Variants in HCRTR1 observed in about 807,000 individuals in gnomAD.
The protein encoded by HCRTR1 is hypocretin receptor 1.
HCRTR1 carries 28 observed loss-of-function variants against 40.6 expected under a neutral mutation model. The ratio of observed to expected loss-of-function variants is 0.69; its 90% CI spans 0.51 to 0.95. The LOEUF is 0.95. HCRTR1 is among the 40% of genes least tolerant of loss of function. The pLI, the probability that HCRTR1 is intolerant of heterozygous loss-of-function variation, is 0.00. For missense variants in HCRTR1, 482 were observed against 564.7 expected (o/e 0.85, Z 1.48); for synonymous variants, 209 against 230.0 (o/e 0.91, Z 0.83).
chr1:31,621,397 C>A, intron 5 of HCRTR1, 80 bp from the exon 6 acceptor site: 1 of 1,091,026 alleles, frequency 9.2e-7, no homozygotes, highest in South Asian at 1.3e-5. Flanking sequence ...TGGCCGTAGT[C>A]AGGACAGGGT....
downstream of HCRTR1, chr1:31,633,305 G>A: frequency 1.2e-6 from 2 of 1,612,000 alleles, no homozygotes. Flanking sequence ...CACATTGGGA[G>A]GGGCGCCACC....
chr1:31,631,705 T>C (rs1018411106), downstream of HCRTR1, among the ~76,000 whole-genome samples: 1 of 152,232 alleles, frequency 6.6e-6, no homozygotes, highest in African/African-American at 2.4e-5. Flanking sequence ...TACGTTTTGT[T>C]GTGGTTAATA....
downstream of HCRTR1, among the ~76,000 whole-genome samples, chr1:31,628,931 G>T (rs1640029125): frequency 6.6e-6 from 1 of 152,138 alleles, no homozygotes; most frequent in African/African-American, 2.4e-5. Flanking sequence ...TGTCCTGGGT[G>T]GCCCACAGAG....
intron 4 of HCRTR1, among the ~76,000 whole-genome samples, chr1:31,620,143 T>A (rs1639821932): frequency 6.6e-6 from 1 of 152,160 alleles, no homozygotes. Context: ...ACCCCAGTGG[T>A]GGAAACCAGG....
chr1:31,632,959 C>T (rs954822497), downstream of HCRTR1, among the ~76,000 whole-genome samples: 1 of 152,168 alleles, frequency 6.6e-6, no homozygotes, highest in African/African-American at 2.4e-5. Flanking sequence ...TGTAACTAGG[C>T]AGGGTCTAGA....
In HCRTR1 at chr1:31,627,324, C is replaced by A; in HGVS notation, c.*344C>A. The stretch of plus-strand genomic sequence containing the variant: ...GACCCCTTTCCTACCCAATTACAGG[C>A]CTTCCCTGGAGTCTGCTCTAAAGGT... On this transcript the variant is annotated 3_prime_UTR_variant, in exon 9 of 9. Transcript: ENST00000403528. 7.8e-7 allele frequency: 1 copy of A among 1,289,884 alleles called. No homozygotes were observed. The highest frequency in any genetic ancestry group is 4.8e-5 in the East Asian group (1 of 20,704). 79.9% of individuals were successfully genotyped at this position (1,289,884 alleles called of 1,614,324 possible).
At chr1:31,624,936 C>T (rs1307411609) in intron 7 of HCRTR1, 61 bp from the exon 8 acceptor site, 2 of 1,497,230 alleles carry the variant, frequency 1.3e-6, no homozygotes. Flanking sequence ...GTGAGCAGCA[C>T]TCCCCCAGTA....
At chr1:31,632,172 C>G (rs1557584042), downstream of HCRTR1, 4 of 573,508 alleles carry the variant, frequency 7.0e-6, no homozygotes, top group East Asian at 1.2e-4. Flanking sequence ...AGAAAGGAGT[C>G]ACCCAAGCCA....
rs746298349 is a variant in HCRTR1 at position 31,619,146 on chromosome 1, C to A, written c.-47C>A. 7 of 1,551,034 alleles carry A rather than the reference C, an allele frequency of 4.5e-6. No homozygotes were observed. Among genetic ancestry groups the A allele is most frequent in the Non-Finnish European group, 6.1e-6 (7 of 1,140,314 alleles). Reference sequence around the variant, plus strand: ...GGCTGGCCCAAGCTCCCTCCTCTCCCTCTGTAGAGCCTAGGATGCCCCTCT... The same window carrying A: ...GGCTGGCCCAAGCTCCCTCCTCTCCATCTGTAGAGCCTAGGATGCCCCTCT... On this transcript the variant is annotated 5_prime_UTR_variant, in exon 3 of 9. Coordinates refer to ENST00000403528, the MANE Select transcript of HCRTR1 (RefSeq NM_001525.3).
downstream of HCRTR1, chr1:31,630,488 T>C (rs1362795191): frequency 1.0e-6 from 1 of 995,062 alleles, no homozygotes; most frequent in Non-Finnish European, 1.5e-6. Context: ...TGGAACAGTG[T>C]TGCATCAAGC....
At chr1:31,623,296 CAA>C (rs11286118) in intron 6 of HCRTR1, among the ~76,000 whole-genome samples, 12,377 of 133,226 alleles carry the variant, frequency 0.093, 697 homozygotes, top group African/African-American at 0.17. Context: ...AATGCCATCT[CAA>C]AAAAAAAAAA....
At chr1:31,618,919 G>A (rs1246774491) in intron 2 of HCRTR1, 103 bp downstream of exon 2, 1 of 485,928 alleles carries the variant, frequency 2.1e-6, no homozygotes, top group Non-Finnish European at 3.7e-6. Flanking sequence ...ATGCAACCCA[G>A]GTCTGTCTTC....
downstream of HCRTR1, chr1:31,633,299 T>C (rs765028173): frequency 3.4e-5 from 55 of 1,612,082 alleles, no homozygotes; most frequent in South Asian, 1.4e-4. Flanking sequence ...AGGATCCACA[T>C]TGGGAGGGGC....
chr1:31,633,071 G>T, downstream of HCRTR1: 1 of 1,439,408 alleles, frequency 6.9e-7, no homozygotes, highest in Non-Finnish European at 9.4e-7. Context: ...TTTCTCTTCA[G>T]AATGTCCACC....
chr1:31,624,727 T>C (rs184332585), intron 7 of HCRTR1, among the ~76,000 whole-genome samples: 1 of 152,336 alleles, frequency 6.6e-6, no homozygotes, highest in East Asian at 1.9e-4. Context: ...TTCATCATGT[T>C]GCTGTGAGGA....
chr1:31,621,401 A>G, intron 5 of HCRTR1, 76 bp from the exon 6 acceptor site: 1 of 1,113,390 alleles, frequency 9.0e-7, no homozygotes, highest in Non-Finnish European at 1.4e-6. Context: ...CGTAGTCAGG[A>G]CAGGGTGGCA....
At position 31,623,646 on chromosome 1, in the gene HCRTR1, A is replaced by T. The variant is rs764675757; in HGVS notation, c.862A>T (p.Lys288Ter). 3.7e-6 allele frequency: 6 copies of T among 1,614,028 alleles called. No homozygotes were observed. The highest frequency in any genetic ancestry group is 5.1e-6 in the Non-Finnish European group (6 of 1,180,038). The change falls in exon 7 of 9, where the codon AAG becomes TAG. Residue 288 changes from lysine (K) to a stop codon, truncating the protein, a stop_gained. Coordinates refer to ENST00000403528, the MANE Select transcript of HCRTR1 (RefSeq NM_001525.3). LOFTEE classifies it high-confidence loss of function. ...GGCCCGCGCCTTCCTGGCTGAAGTG[A>T]AGCAGATGCGTGCACGGAGGAAGAC... Reference protein sequence around the residue: ...PRARAFLAEVKQMRARRKTAK... With the variant: ...PRARAFLAEV
downstream of HCRTR1, chr1:31,630,281 T>A (rs764209658): frequency 8.1e-5 from 29 of 357,042 alleles, no homozygotes; most frequent in Non-Finnish European, 1.6e-4. Context: ...ACCACTGGCA[T>A]CAGGGTGGAG....
chr1:31,627,152 G>A lies in HCRTR1; in HGVS notation c.*172G>A. 2 of 1,420,426 alleles carry A rather than the reference G, an allele frequency of 1.4e-6. No homozygotes were observed. Among genetic ancestry groups the A allele is most frequent in the East Asian group, 2.5e-5 (1 of 40,316 alleles). 88.0% of individuals were successfully genotyped at this position (1,420,426 alleles called of 1,614,324 possible). On this transcript the variant is annotated 3_prime_UTR_variant, in exon 9 of 9. Coordinates refer to ENST00000403528, the MANE Select transcript of HCRTR1 (RefSeq NM_001525.3). ...TGTCCCCTAAGCAGGGTTGATGTGA[G>A]GATTAAGCATGCTGAAGCAAGTGGA...
Sources: allele counts gnomAD v4.1 joint callset (sites outside exome capture counted in the v4.1 genomes callset), GRCh38; gene constraint gnomAD v4.1.1; transcripts MANE v1.5; gene names NCBI Gene and HGNC (gene_info 2026-07-23, HGNC 2026-07-21).